Variants in FAM227B observed in about 807,000 individuals in gnomAD.
FAM227B encodes the protein family with sequence similarity 227 member B.
In FAM227B, 88 loss-of-function variants were observed where a neutral mutation model predicts 73.8. The ratio of observed to expected loss-of-function variants is 1.19; its 90% confidence interval spans 1.00 to 1.42. The LOEUF (loss-of-function observed/expected upper bound fraction) is 1.42, where lower values mean the gene tolerates loss of function less well. FAM227B is among the 40% of genes most tolerant of loss of function. The pLI is 0.00. For synonymous variants in FAM227B, 210 were observed against 190.5 expected (o/e 1.10, Z -0.84); for missense variants, 632 against 590.9 (o/e 1.07, Z -0.72).
chr15:49,457,001 G>A (rs1461847400), intron 11 of FAM227B, among the ~76,000 whole-genome samples: 2 of 152,100 alleles, frequency 1.3e-5, no homozygotes, highest in African/African-American at 4.8e-5. Flanking sequence ...AAATCACAGA[G>A]CTAGTGAGTG....
chr15:49,605,658 T>C (rs934570384), intron 3 of FAM227B, among the ~76,000 whole-genome samples: 1 of 151,718 alleles, frequency 6.6e-6, no homozygotes, highest in Non-Finnish European at 1.5e-5. Context: ...GGTCTACTTG[T>C]GCAGACCTGG....
intron 15 of FAM227B, 104 bp downstream of exon 15, chr15:49,331,676 T>G: frequency 2.8e-6 from 2 of 715,364 alleles, no homozygotes; most frequent in Admixed American, 2.2e-5. Context: ...CTCCTGCCAC[T>G]GTAATTTGGG....
intron 9 of FAM227B, among the ~76,000 whole-genome samples, chr15:49,554,406 C>A (rs8030761): frequency 0.32 from 49,369 of 151,972 alleles, 8,750 homozygotes; most frequent in African/African-American, 0.45. Flanking sequence ...CCTAGACTCT[C>A]AGATTTACTT....
intron 11 of FAM227B, among the ~76,000 whole-genome samples, chr15:49,494,256 A>AACAC (rs374477211): frequency 0.12 from 17,266 of 140,592 alleles, 1,199 homozygotes; most frequent in African/African-American, 0.21. Context: ...GAGACACACA[A>AACAC]ACACACACAC....
intron 5 of FAM227B, among the ~76,000 whole-genome samples, chr15:49,578,530 T>A (rs61344016): frequency 0.062 from 9,478 of 152,082 alleles, 1,038 homozygotes; most frequent in African/African-American, 0.22. Flanking sequence ...CTCCAACAAT[T>A]ACTAAGCTTA....
At chr15:49,596,555 T>C (rs1416675298) in intron 3 of FAM227B, among the ~76,000 whole-genome samples, 2 of 151,058 alleles carry the variant, frequency 1.3e-5, no homozygotes, top group African/African-American at 2.4e-5. Context: ...TATAAAACAA[T>C]AACACAAAGA....
rs559664727 is a variant in FAM227B at position 49,371,759 on chromosome 15, A to C, written c.1013-360T>G. 3.9e-3 allele frequency among the ~76,000 whole-genome samples: 577 copies of C among 148,246 alleles called. 2 individuals are homozygous for C. Among genetic ancestry groups the C allele is most frequent in the Admixed American group, 7.2e-3 (106 of 14,668 alleles). On this transcript the variant is annotated intron_variant, in intron 11 of 15. Coordinates refer to ENST00000299338, the MANE Select transcript of FAM227B (RefSeq NM_152647.3). The stretch of plus-strand genomic sequence containing the variant: ...AATGAAATAAAATTCACTTATAAAT[A>C]AATGAAATAAAATTCACTTATAAAT...
intron 9 of FAM227B, among the ~76,000 whole-genome samples, chr15:49,560,146 GA>G (rs1365544616): frequency 2.0e-5 from 3 of 152,030 alleles, no homozygotes; most frequent in African/African-American, 7.2e-5. Flanking sequence ...AGGAATCCAG[GA>G]AATGAAGGAA....
intron 13 of FAM227B, among the ~76,000 whole-genome samples, chr15:49,345,160 A>C (rs2041280787): frequency 6.6e-6 from 1 of 152,178 alleles, no homozygotes; most frequent in African/African-American, 2.4e-5. Context: ...ACTTTGAACA[A>C]ATTTTGGATT....
chr15:49,598,847 C>T (rs990680492), intron 3 of FAM227B, among the ~76,000 whole-genome samples: 16 of 151,764 alleles, frequency 1.1e-4, no homozygotes, highest in Admixed American at 1.3e-4. Flanking sequence ...GAATTGGGTT[C>T]GCTTGTTTTT....
chr15:49,558,798 G>A (rs1482272152), intron 9 of FAM227B, among the ~76,000 whole-genome samples: 7 of 151,942 alleles, frequency 4.6e-5, no homozygotes, highest in Non-Finnish European at 1.0e-4. Flanking sequence ...AATTACCTAC[G>A]TACCCTACCC....
chr15:49,396,227 G>C (rs1244032078), intron 11 of FAM227B: 3 of 355,366 alleles, frequency 8.4e-6, no homozygotes, highest in African/African-American at 6.5e-5. Context: ...GTCAAAGAAA[G>C]GGGTGACGGA....
intron 11 of FAM227B, among the ~76,000 whole-genome samples, chr15:49,378,746 A>G (rs537615386): frequency 6.6e-6 from 1 of 152,298 alleles, no homozygotes; most frequent in Admixed American, 6.5e-5. Flanking sequence ...TCATCTGCAG[A>G]TAACAATCAT....
chr15:49,352,034 G>T (rs975015780), intron 13 of FAM227B, among the ~76,000 whole-genome samples: 2 of 152,182 alleles, frequency 1.3e-5, no homozygotes, highest in Admixed American at 1.3e-4. Flanking sequence ...GTCAGTTGTT[G>T]ACTGGGACTG....
At chr15:49,474,399 A>G (rs2055054996) in intron 11 of FAM227B, among the ~76,000 whole-genome samples, 1 of 152,222 alleles carries the variant, frequency 6.6e-6, no homozygotes, top group Non-Finnish European at 1.5e-5. Context: ...ATATTCACGT[A>G]TAATTGGTAA....
At chr15:49,522,728 C>T (rs1466184703) in intron 10 of FAM227B, among the ~76,000 whole-genome samples, 2 of 151,402 alleles carry the variant, frequency 1.3e-5, no homozygotes, top group Non-Finnish European at 2.9e-5. Context: ...CTCAGTCATA[C>T]AAAAATTAAA....
chr15:49,375,266 C>A (rs956887755), intron 11 of FAM227B, among the ~76,000 whole-genome samples: 2 of 152,030 alleles, frequency 1.3e-5, no homozygotes, highest in South Asian at 4.1e-4. Flanking sequence ...TAACTCTGCA[C>A]CAAATTTAGT....
chr15:49,493,700 C>T (rs972404809), intron 11 of FAM227B, among the ~76,000 whole-genome samples: 12 of 151,796 alleles, frequency 7.9e-5, no homozygotes, highest in African/African-American at 2.7e-4. Context: ...TCTATCTATC[C>T]ATCCATCTAC....
intron 13 of FAM227B, among the ~76,000 whole-genome samples, chr15:49,335,878 G>T (rs1353775609): frequency 6.6e-6 from 1 of 151,980 alleles, no homozygotes; most frequent in African/African-American, 2.4e-5. Context: ...TTCGAGACAG[G>T]GTCTTGCTTT....
Sources: allele counts gnomAD v4.1 joint callset (sites outside exome capture counted in the v4.1 genomes callset), GRCh38; gene constraint gnomAD v4.1.1; transcripts MANE v1.5; gene names NCBI Gene and HGNC (gene_info 2026-07-23, HGNC 2026-07-21).